Variants in GRIK2 observed in about 807,000 individuals in gnomAD.
GRIK2 encodes glutamate ionotropic receptor kainate type subunit 2, also known as glutamate receptor ionotropic, kainate 2.
Under a neutral mutation model 100.3 loss-of-function variants are expected in GRIK2, and 32 were observed. The observed-to-expected ratio is 0.32, with a 90% CI of 0.24 to 0.43. GRIK2 has a LOEUF of 0.43. GRIK2 is among the 20% of genes least tolerant of loss of function. The pLI is 1.00. For missense variants in GRIK2, 843 were observed against 1,114.9 expected, an observed-to-expected ratio of 0.76 and a Z score of 3.47; for synonymous variants, 417 against 389.4, an observed-to-expected ratio of 1.07 and a Z score of -0.83.
chr6:101,595,117 G>A (rs927378849), intron 2 of GRIK2, among the ~76,000 whole-genome samples: 21 of 151,378 alleles, frequency 1.4e-4, no homozygotes, highest in African/African-American at 5.1e-4. Context: ...GTTTAGAATA[G>A]CCACTTTTGA....
intron 10 of GRIK2, among the ~76,000 whole-genome samples, chr6:101,838,536 T>C (rs1371564195): frequency 6.6e-6 from 1 of 152,210 alleles, no homozygotes; most frequent in Non-Finnish European, 1.5e-5. Flanking sequence ...TACCTACGTA[T>C]CAATAAGACC....
At chr6:102,025,727 T>G (rs1769659582) in intron 14 of GRIK2, among the ~76,000 whole-genome samples, 1 of 151,314 alleles carries the variant, frequency 6.6e-6, no homozygotes. Flanking sequence ...TATAAGACTT[T>G]AAGCTTTGCC....
At chr6:101,898,891 A>C (rs1430731729) in intron 12 of GRIK2, among the ~76,000 whole-genome samples, 2 of 151,952 alleles carry the variant, frequency 1.3e-5, no homozygotes, top group Non-Finnish European at 2.9e-5. Flanking sequence ...TACTAAGTAA[A>C]ATTATGCACT....
intron 11 of GRIK2, among the ~76,000 whole-genome samples, chr6:101,861,893 C>G (rs905273255): frequency 6.6e-6 from 1 of 152,032 alleles, no homozygotes; most frequent in African/African-American, 2.4e-5. Context: ...AGAATGAAAA[C>G]TCAACTTCCC....
intron 2 of GRIK2, among the ~76,000 whole-genome samples, chr6:101,442,185 A>C (rs1660715736): frequency 6.6e-6 from 1 of 152,152 alleles, no homozygotes; most frequent in Non-Finnish European, 1.5e-5. Flanking sequence ...TCAGCCAAAA[A>C]CCAGGTTCTT....
At chr6:101,578,472 G>A (rs957998781) in intron 2 of GRIK2, among the ~76,000 whole-genome samples, 8 of 152,164 alleles carry the variant, frequency 5.3e-5, no homozygotes, top group African/African-American at 1.9e-4. Flanking sequence ...GCTTAGATTG[G>A]TATGTGTGCT....
intron 7 of GRIK2, among the ~76,000 whole-genome samples, chr6:101,736,307 C>T (rs765992147): frequency 6.6e-6 from 1 of 152,204 alleles, no homozygotes; most frequent in Non-Finnish European, 1.5e-5. Flanking sequence ...CTAGGCAGTG[C>T]CCCAGTAGGG....
chr6:101,991,103 T>C (rs566400864), intron 14 of GRIK2, among the ~76,000 whole-genome samples: 2 of 151,950 alleles, frequency 1.3e-5, no homozygotes, highest in Admixed American at 6.6e-5. Flanking sequence ...AAATAACAAG[T>C]ATGGATTCTG....
chr6:101,966,772 G>A (rs73763605), intron 14 of GRIK2, among the ~76,000 whole-genome samples: 2,637 of 152,064 alleles, frequency 0.017, 78 homozygotes, highest in African/African-American at 0.06. Flanking sequence ...GAGCAAACTG[G>A]GAAAATATTA....
chr6:101,840,736 A>G (rs1783439483), intron 10 of GRIK2, among the ~76,000 whole-genome samples: 1 of 152,212 alleles, frequency 6.6e-6, no homozygotes, highest in South Asian at 2.1e-4. Flanking sequence ...TATAAATTTT[A>G]TATTCTGAGC....
At chr6:101,743,636 A>G (rs1333367610) in intron 7 of GRIK2, among the ~76,000 whole-genome samples, 1 of 152,018 alleles carries the variant, frequency 6.6e-6, no homozygotes, top group East Asian at 1.9e-4. Flanking sequence ...GTGGTCTTGT[A>G]TTCTCCTTCT....
intron 15 of GRIK2, among the ~76,000 whole-genome samples, chr6:102,046,888 T>C (rs1562137024): frequency 6.6e-6 from 1 of 152,006 alleles, no homozygotes; most frequent in Admixed American, 6.6e-5. Flanking sequence ...AGTATGAAAC[T>C]GGAAATCAAT....
intron 16 of GRIK2, among the ~76,000 whole-genome samples, chr6:102,066,840 A>G (rs1223931533): frequency 1.3e-5 from 2 of 151,754 alleles, no homozygotes; most frequent in Non-Finnish European, 2.9e-5. Context: ...ACCTTTACAG[A>G]AGAGTGGCGT....
intron 10 of GRIK2, among the ~76,000 whole-genome samples, chr6:101,822,903 T>C (rs774313499): frequency 6.6e-6 from 1 of 152,076 alleles, no homozygotes; most frequent in Non-Finnish European, 1.5e-5. Context: ...TGGTCAAATA[T>C]AGAAAAGGCT....
chr6:101,907,078 A>G (rs1193137853), intron 12 of GRIK2, among the ~76,000 whole-genome samples: 1 of 151,762 alleles, frequency 6.6e-6, no homozygotes, highest in Non-Finnish European at 1.5e-5. Context: ...TCTTCTGGAT[A>G]TGATATTTTG....
At chr6:101,791,586 T>A in intron 7 of GRIK2, among the ~76,000 whole-genome samples, 1 of 148,278 alleles carries the variant, frequency 6.7e-6, no homozygotes, top group Non-Finnish European at 1.5e-5. Flanking sequence ...TTTGTTATAA[T>A]TTCTTTTTTT....
At chr6:101,463,323 G>C (rs1487552055) in intron 2 of GRIK2, among the ~76,000 whole-genome samples, 1 of 152,138 alleles carries the variant, frequency 6.6e-6, no homozygotes, top group Non-Finnish European at 1.5e-5. Context: ...CTTAATAAAT[G>C]CCTTATGATT....
chr6:101,394,689 G>A (rs1483706032), intron 1 of GRIK2, among the ~76,000 whole-genome samples: 1 of 152,130 alleles, frequency 6.6e-6, no homozygotes, highest in African/African-American at 2.4e-5. Context: ...AGTCAGTTTA[G>A]TTACTGAAAT....
In GRIK2 at chr6:102,069,325, T is replaced by C. The variant is rs913698542; in HGVS notation, c.*814T>C. 1 of 147,662 alleles carries C rather than the reference T, an allele frequency of 6.8e-6. No individual in the cohort carries two copies. The highest frequency in any genetic ancestry group is 2.5e-5 in the African/African-American group (1 of 40,688). 9.1% of individuals were successfully genotyped at this position (147,662 alleles called of 1,614,324 possible). On this transcript the variant is annotated 3_prime_UTR_variant, in exon 17 of 17. Coordinates refer to ENST00000369134, the MANE Select transcript of GRIK2 (RefSeq NM_021956.5). ...ATAATAATAATAATAATAATAATAA[T>C]AATAATAATAATAAAAGCAGTTGGT...
Sources: allele counts gnomAD v4.1 joint callset (sites outside exome capture counted in the v4.1 genomes callset), GRCh38; gene constraint gnomAD v4.1.1; transcripts MANE v1.5; gene names NCBI Gene and HGNC (gene_info 2026-07-23, HGNC 2026-07-21).